Variants in TTLL4 observed in about 807,000 individuals in gnomAD.
The protein encoded by TTLL4 is tubulin monoglutamylase TTLL4.
Under a neutral mutation model 122.7 loss-of-function variants are expected in TTLL4, and 85 were observed. The ratio of observed to expected loss-of-function variants is 0.69; its 90% CI spans 0.58 to 0.83. The LOEUF (loss-of-function observed/expected upper bound fraction) is 0.83, where lower values mean the gene tolerates loss of function less well. Among genes scored for constraint, TTLL4 ranks in the 40% least tolerant of loss-of-function variants. The probability of loss-of-function intolerance (pLI) is 0.00; values close to 1 mark genes in which losing one functional copy is unlikely to be tolerated. For synonymous variants in TTLL4, 553 were observed against 563.0 expected, an observed-to-expected ratio of 0.98 and a Z score of 0.25; for missense variants, 1,363 against 1,488.6, an observed-to-expected ratio of 0.92 and a Z score of 1.39.
At chr2:218,740,413 C>T (rs1233004482) in intron 4 of TTLL4, 108 bp from the exon 5 acceptor site, 2 of 1,246,372 alleles carry the variant, frequency 1.6e-6, no homozygotes, top group Non-Finnish European at 2.3e-6. Context: ...GCTTGTGGCT[C>T]CCCAAGAAGG....
intron 2 of TTLL4, among the ~76,000 whole-genome samples, chr2:218,731,225 A>G (rs1427598278): frequency 6.6e-6 from 1 of 152,136 alleles, no homozygotes; most frequent in Non-Finnish European, 1.5e-5. Flanking sequence ...AGCCTAGTCA[A>G]CATAGTGAAA....
In TTLL4 at chr2:218,748,148, C is replaced by T; in HGVS notation, c.2422C>T (p.Leu808=). The change falls in exon 12 of 20, where the codon CTG becomes TTG. Residue 808 remains leucine, a synonymous_variant. Transcript: ENST00000392102. Reference sequence around the variant, plus strand: ...GAGCCTTGGCAATAAGTTCATGCACCTGACCAACTACAGTGTCAATAAAAA... The same window carrying T: ...GAGCCTTGGCAATAAGTTCATGCACTTGACCAACTACAGTGTCAATAAAAA... The part of the protein sequence containing the change: ...MKSLGNKFMH[L]TNYSVNKKNA... The T allele has an allele frequency of 6.2e-7, 1 of 1,614,150 alleles. No individual in the cohort carries two copies. Among genetic ancestry groups the T allele is most frequent in the Non-Finnish European group, 8.5e-7 (1 of 1,180,020 alleles).
At chr2:218,757,301 C>T (rs1042775938), downstream of TTLL4, among the ~76,000 whole-genome samples, 3 of 152,182 alleles carry the variant, frequency 2.0e-5, no homozygotes, top group Non-Finnish European at 2.9e-5. Context: ...ATGGCCCTCA[C>T]CTTCACCCCA....
At chr2:218,759,073 C>T (rs1943197461), downstream of TTLL4, among the ~76,000 whole-genome samples, 1 of 150,620 alleles carries the variant, frequency 6.6e-6, no homozygotes, top group Non-Finnish European at 1.5e-5. Flanking sequence ...GGAGAAACGC[C>T]ATCTCTACTA....
chr2:218,747,420 C>G lies in TTLL4; in HGVS notation c.2249+48C>G, dbSNP rs1942875549. ...TTACCCCATCCTCCCACCTCCTTGG[C>G]CTCGAGGTTCCCTTCTTACAATGTT... On this transcript the variant is annotated intron_variant, in intron 10 of 19. Coordinates refer to ENST00000392102, the MANE Select transcript of TTLL4 (RefSeq NM_014640.5). This position sits in a 1 kb window ranked among gnomAD's most constrained non-coding sequence, Gnocchi z 4.7. 1 of 1,597,676 alleles carries G rather than the reference C, an allele frequency of 6.3e-7. No homozygotes were observed. Among genetic ancestry groups the G allele is most frequent in the Admixed American group, 1.7e-5 (1 of 58,130 alleles).
chr2:218,710,837 C>T lies in TTLL4; in HGVS notation c.-378C>T, dbSNP rs1165106805. On this transcript the variant is annotated 5_prime_UTR_variant, in exon 1 of 20. Transcript: ENST00000392102. Reference sequence around the variant, plus strand: ...ATTCCCCGCGCTTGCCTCCCGCCCTCTTCTTCCAGACTCTCGGTCTGTCCG... The same window carrying T: ...ATTCCCCGCGCTTGCCTCCCGCCCTTTTCTTCCAGACTCTCGGTCTGTCCG... 6.6e-6 allele frequency: 1 copy of T among 152,020 alleles called. No individual in the cohort carries two copies. Among genetic ancestry groups the T allele is most frequent in the Non-Finnish European group, 1.5e-5 (1 of 68,048 alleles). The allele number at this position is 152,020 out of a possible 1,614,324, so 9.4% of individuals were successfully genotyped here.
chr2:218,757,398 G>C (rs1364478373), downstream of TTLL4, among the ~76,000 whole-genome samples: 1 of 152,226 alleles, frequency 6.6e-6, no homozygotes, highest in Non-Finnish European at 1.5e-5. Context: ...TTCACAGTCA[G>C]AGCACAGAAT....
At chr2:218,721,429 A>G (rs1470275781) in intron 1 of TTLL4, among the ~76,000 whole-genome samples, 2 of 152,176 alleles carry the variant, frequency 1.3e-5, no homozygotes, top group African/African-American at 4.8e-5. Flanking sequence ...GTGCCTTGCA[A>G]TTGGAATCTG....
chr2:218,727,781 G>A (rs957319073), intron 2 of TTLL4, among the ~76,000 whole-genome samples: 18 of 152,118 alleles, frequency 1.2e-4, no homozygotes, highest in Admixed American at 7.9e-4. Flanking sequence ...GCTATTCTGA[G>A]TTCCTGGTTA....
At position 218,750,063 on chromosome 2, in the gene TTLL4, CCTT is replaced by C; in HGVS notation, c.2793_2795del (p.Leu932del). The C allele has an allele frequency of 1.7e-5, 27 of 1,614,174 alleles. No individual in the cohort carries two copies. Among genetic ancestry groups the C allele is most frequent in the Non-Finnish European group, 2.2e-5 (26 of 1,180,002 alleles). The stretch of plus-strand genomic sequence containing the variant: ...GCATCAAAGGCCAGATGATTCGTGA[CCTT>C]CTGAATCTGGCAGGTTTTGTCCTGC... On this transcript the variant is annotated inframe_deletion, in exon 15 of 20. Coordinates refer to ENST00000392102, the MANE Select transcript of TTLL4 (RefSeq NM_014640.5).
At chr2:218,736,517 A>C (rs549541159) in intron 2 of TTLL4, 1 of 152,216 alleles carries the variant, frequency 6.6e-6, no homozygotes, top group Non-Finnish European at 1.5e-5. Flanking sequence ...TGGGCTTTGG[A>C]GTAAAGAAAG....
chr2:218,719,121 T>C lies in TTLL4; in HGVS notation c.-178+8084T>C, dbSNP rs531343181. Reference sequence around the variant, plus strand: ...TTCTAAGTCAATTTTTTAAAAACTTTTGTTCTAGGAAGACTTAGTGTTCCA... The same window carrying C: ...TTCTAAGTCAATTTTTTAAAAACTTCTGTTCTAGGAAGACTTAGTGTTCCA... On this transcript the variant is annotated intron_variant, in intron 1 of 19. Transcript: ENST00000392102. Among the ~76,000 whole-genome samples, 3 of 152,284 alleles carry C rather than the reference T, an allele frequency of 2.0e-5. No homozygotes were observed. In the East Asian group the frequency reaches 5.8e-4, roughly 29 times the overall value.
At chr2:218,729,742 T>G (rs1942302908) in intron 2 of TTLL4, among the ~76,000 whole-genome samples, 1 of 128,568 alleles carries the variant, frequency 7.8e-6, no homozygotes, top group Non-Finnish European at 1.6e-5. Context: ...CTTTTCTCTC[T>G]CTTTTTAAAA....
intron 17 of TTLL4, 49 bp downstream of exon 17, chr2:218,753,022 A>T: frequency 6.2e-7 from 1 of 1,613,678 alleles, no homozygotes; most frequent in Non-Finnish European, 8.5e-7. Context: ...TGAGAGATTA[A>T]ATCCCAGTAT....
intron 1 of TTLL4, among the ~76,000 whole-genome samples, chr2:218,717,756 A>C (rs188915583): frequency 2.0e-5 from 3 of 151,374 alleles, no homozygotes; most frequent in African/African-American, 7.3e-5. Context: ...TGTGATTCCT[A>C]CACTCCTCTC....
At chr2:218,728,576 T>G (rs946125841) in intron 2 of TTLL4, among the ~76,000 whole-genome samples, 1 of 152,216 alleles carries the variant, frequency 6.6e-6, no homozygotes, top group Non-Finnish European at 1.5e-5. Context: ...AGTACCAATC[T>G]GTGGCCCAAG....
At chr2:218,743,636 C>T (rs1942761862) in intron 5 of TTLL4, among the ~76,000 whole-genome samples, 1 of 152,042 alleles carries the variant, frequency 6.6e-6, no homozygotes, top group Non-Finnish European at 1.5e-5. Context: ...AATTGTTTTC[C>T]AGAGTGGCTG....
At chr2:218,717,544 G>T (rs1941898753) in intron 1 of TTLL4, among the ~76,000 whole-genome samples, 7 of 152,128 alleles carry the variant, frequency 4.6e-5, no homozygotes, top group Admixed American at 4.6e-4. Flanking sequence ...CCTCAGGTTT[G>T]CTTACTTGTT....
chr2:218,746,932 A>G, intron 8 of TTLL4, 71 bp from the exon 9 acceptor site: 3 of 1,515,630 alleles, frequency 2.0e-6, no homozygotes, highest in East Asian at 2.3e-5. Context: ...GAATGGTAGA[A>G]TGAGTCTTGT....
Sources: gnomAD v4.1 joint callset for allele counts (sites outside exome capture counted in the v4.1 genomes callset) on GRCh38, gnomAD v4.1.1 for gene constraint, Gnocchi (gnomAD v3.1) non-coding constraint, MANE v1.5 for transcripts, NCBI Gene and HGNC (gene_info 2026-07-23, HGNC 2026-07-21) for gene names.